DLGAP2: variants seen among roughly 807,000 people sequenced by gnomAD.
DLGAP2 encodes DLG associated protein 2, also known as disks large-associated protein 2.
DLGAP2 carries 26 observed loss-of-function variants against 100.3 expected under a neutral mutation model. The observed-to-expected ratio is 0.26, with a 90% CI of 0.19 to 0.36. DLGAP2 has a LOEUF of 0.36. Ranked by LOEUF, DLGAP2 falls within the 10% of genes least tolerant of loss-of-function variation. DLGAP2 has a pLI of 1.00. For missense variants in DLGAP2, 1,858 were observed against 1,453.2 expected, an observed-to-expected ratio of 1.28 and a Z score of -4.53; for synonymous variants, 886 against 630.1, an observed-to-expected ratio of 1.41 and a Z score of -6.08.
At chr8:1,312,254 G>T (rs1211342404) in intron 3 of DLGAP2, among the ~76,000 whole-genome samples, 1 of 152,218 alleles carries the variant, frequency 6.6e-6, no homozygotes, top group African/African-American at 2.4e-5. Context: ...TAACATCAGA[G>T]GGAACCCAGG....
At chr8:1,387,529 G>C (rs974310018) in intron 3 of DLGAP2, among the ~76,000 whole-genome samples, 1 of 152,074 alleles carries the variant, frequency 6.6e-6, no homozygotes, top group African/African-American at 2.4e-5. Flanking sequence ...CGGTGGTCGT[G>C]GTTGCACGGC....
intron 2 of DLGAP2, among the ~76,000 whole-genome samples, chr8:1,101,539 G>A (rs993864368): frequency 2.0e-5 from 3 of 152,158 alleles, no homozygotes; most frequent in Non-Finnish European, 4.4e-5. Flanking sequence ...GGTGGAGGGG[G>A]CATTTCATGG....
chr8:1,528,288 A>T (rs1800864468), intron 4 of DLGAP2, among the ~76,000 whole-genome samples: 1 of 152,226 alleles, frequency 6.6e-6, no homozygotes, highest in Non-Finnish European at 1.5e-5. Flanking sequence ...GAGGACAAGT[A>T]TCCCAGGAGG....
Position 802,539 on chromosome 8 carries a change from C to T in DLGAP2, c.18+64714C>T, listed in dbSNP as rs191158039. ...GAGGTCCCAGATTGGCTCATCCAGTCCGGACGGCACATCCAGCTCTGTGCC... is the reference window on the plus strand; with the variant it reads ...GAGGTCCCAGATTGGCTCATCCAGTTCGGACGGCACATCCAGCTCTGTGCC... On this transcript the variant is annotated intron_variant, in intron 1 of 14. Transcript: ENST00000637795. Among the ~76,000 whole-genome samples the T allele has an allele frequency of 3.3e-3, 502 of 152,282 alleles. 4 individuals are homozygous for T. Among genetic ancestry groups the T allele is most frequent in the African/African-American group, 0.012 (480 of 41,572 alleles).
At chr8:1,597,382 T>A (rs571232919) in intron 6 of DLGAP2, among the ~76,000 whole-genome samples, 1 of 151,292 alleles carries the variant, frequency 6.6e-6, no homozygotes, top group African/African-American at 2.4e-5. Flanking sequence ...TAAAGTAGTT[T>A]TTTTTTTCCT....
chr8:1,146,025 C>T (rs893491100), intron 2 of DLGAP2, among the ~76,000 whole-genome samples: 2 of 152,040 alleles, frequency 1.3e-5, no homozygotes, highest in Non-Finnish European at 2.9e-5. Context: ...GTGGGTAGCC[C>T]CAGGATGCCG....
In DLGAP2 at chr8:960,071, G is replaced by A. The variant is rs188677623; in HGVS notation, c.73+52105G>A. On this transcript the variant is annotated intron_variant, in intron 2 of 14. Transcript: ENST00000637795. ...TTCAACCCTTAAGTTTTCTAGTTAGGCTCTAAGTTTAAAAGGTTTTAAATG... is the reference window on the plus strand; with the variant it reads ...TTCAACCCTTAAGTTTTCTAGTTAGACTCTAAGTTTAAAAGGTTTTAAATG... Among the ~76,000 whole-genome samples, 139 of 151,930 alleles carry A rather than the reference G, an allele frequency of 9.1e-4. No individual in the cohort carries two copies. The South Asian group carries it at 0.01, about 11-fold the overall frequency.
intron 5 of DLGAP2, among the ~76,000 whole-genome samples, chr8:1,556,972 C>T (rs182508585): frequency 2.3e-4 from 34 of 150,210 alleles, no homozygotes; most frequent in South Asian, 1.3e-3. Flanking sequence ...CTTGTGGGGT[C>T]GGTCTTATGG....
rs116983439 is a variant in DLGAP2, at chr8:1,229,713, G to A, written c.74-29138G>A. Among the ~76,000 whole-genome samples the A allele has an allele frequency of 6.0e-4, 91 of 152,236 alleles. No individual in the cohort carries two copies. The East Asian group carries it at 0.011, about 19-fold the overall frequency. ...ATTCTTGGGATGCAAGGTTGGTTCAGTGCACACAAATCAATAAATGCAGTT... is the reference window on the plus strand; with the variant it reads ...ATTCTTGGGATGCAAGGTTGGTTCAATGCACACAAATCAATAAATGCAGTT... On this transcript the variant is annotated intron_variant, in intron 2 of 14. Transcript: ENST00000637795.
Position 834,262 on chromosome 8 carries a change from C to G in DLGAP2, c.19-73650C>G, listed in dbSNP as rs143938812. Among the ~76,000 whole-genome samples the G allele has an allele frequency of 2.2e-3, 332 of 152,342 alleles. 1 individual carries two copies. The highest frequency in any genetic ancestry group is 6.9e-3 in the African/African-American group (286 of 41,582). ...TGTGACCCCATACGCCCCTGCCCCT[C>G]ACGTGGGGCAGAGCCAGTCCTGTAT... On this transcript the variant is annotated intron_variant, in intron 1 of 14. Transcript: ENST00000637795.
At chr8:1,092,569 A>G (rs866351553) in intron 2 of DLGAP2, among the ~76,000 whole-genome samples, 3 of 152,186 alleles carry the variant, frequency 2.0e-5, no homozygotes, top group Admixed American at 2.0e-4. Flanking sequence ...TGTGGCATCC[A>G]CAGGTGGACC....
At chr8:999,859 G>A (rs1260508130) in intron 2 of DLGAP2, among the ~76,000 whole-genome samples, 1 of 152,198 alleles carries the variant, frequency 6.6e-6, no homozygotes, top group Non-Finnish European at 1.5e-5. Flanking sequence ...TCATTTTCAA[G>A]TTCTTGCCCT....
chr8:975,950 A>T (rs1358276053), intron 2 of DLGAP2, among the ~76,000 whole-genome samples: 4 of 152,184 alleles, frequency 2.6e-5, no homozygotes, highest in African/African-American at 9.7e-5. Context: ...AAAAAATCCA[A>T]AGAATCAACA....
At chr8:1,435,670 C>T (rs1442895630) in intron 3 of DLGAP2, among the ~76,000 whole-genome samples, 2 of 151,682 alleles carry the variant, frequency 1.3e-5, no homozygotes, top group South Asian at 4.2e-4. Flanking sequence ...CTGTAAAGAG[C>T]CCTGGGCCAG....
chr8:1,190,749 C>T (rs1474843229), intron 2 of DLGAP2, among the ~76,000 whole-genome samples: 2 of 152,148 alleles, frequency 1.3e-5, no homozygotes, highest in Non-Finnish European at 2.9e-5. Flanking sequence ...GTCCTTACAC[C>T]AGGGGCAGAC....
At position 1,374,224 on chromosome 8, in the gene DLGAP2, G is replaced by A. The variant is rs111896820; in HGVS notation, c.106+115341G>A. 4.0e-5 allele frequency among the ~76,000 whole-genome samples: 6 copies of A among 150,090 alleles called. No individual in the cohort carries two copies. In the East Asian group the frequency reaches 9.8e-4, roughly 25 times the overall value. ...GGTTTGCAGAAGGCTGTGGTGGAGG[G>A]TAGGTCACGTTTGTAGAGGGCTGTG... On this transcript the variant is annotated intron_variant, in intron 3 of 14. Transcript: ENST00000637795.
intron 3 of DLGAP2, among the ~76,000 whole-genome samples, chr8:1,362,858 G>C (rs543660861): frequency 6.6e-6 from 1 of 152,322 alleles, no homozygotes; most frequent in South Asian, 2.1e-4. Context: ...ACGTTTCAAA[G>C]TCAGTGGCTA....
chr8:804,023 T>G (rs1796219992), intron 1 of DLGAP2, among the ~76,000 whole-genome samples: 1 of 152,062 alleles, frequency 6.6e-6, no homozygotes, highest in African/African-American at 2.4e-5. Flanking sequence ...GGGGTGTGGA[T>G]TTTAGATTTA....
At chr8:1,334,966 C>T (rs528114907) in intron 3 of DLGAP2, among the ~76,000 whole-genome samples, 6 of 152,170 alleles carry the variant, frequency 3.9e-5, no homozygotes, top group African/African-American at 4.8e-5. Context: ...GGGACCCAGC[C>T]CTCGCAGGCA....
Sources: allele counts gnomAD v4.1 joint callset (sites outside exome capture counted in the v4.1 genomes callset), GRCh38; gene constraint gnomAD v4.1.1; transcripts MANE v1.5; gene names NCBI Gene and HGNC (gene_info 2026-07-23, HGNC 2026-07-21).